Variants in CASK observed in about 807,000 individuals in gnomAD.
CASK encodes the protein calcium/calmodulin dependent serine protein kinase, also known as peripheral plasma membrane protein CASK.
Under a neutral mutation model 82.9 loss-of-function variants are expected in CASK, and 4 were observed. The ratio of observed to expected loss-of-function variants is 0.05; its 90% CI spans 0.02 to 0.11. The LOEUF is 0.11. Among genes scored for constraint, CASK ranks in the 10% least tolerant of loss-of-function variants. CASK has a pLI of 1.00. For missense variants in CASK, 358 were observed against 720.9 expected, an observed-to-expected ratio of 0.50 and a Z score of 5.76; for synonymous variants, 259 against 253.5, an observed-to-expected ratio of 1.02 and a Z score of -0.20.
chrX:41,607,540 A>G (rs1173134250), intron 12 of CASK, among the ~76,000 whole-genome samples: 1 of 112,183 alleles, frequency 8.9e-6, no homozygotes. Context: ...GGAAATACAC[A>G]ATTGTGAAAA....
intron 1 of CASK, among the ~76,000 whole-genome samples, chrX:41,875,863 T>C (rs2071807126): frequency 9.0e-6 from 1 of 111,522 alleles, no homozygotes; most frequent in Admixed American, 9.5e-5. Context: ...ATGGAAAAAA[T>C]AGTTTAACTG....
chrX:41,580,957 A>G (rs982963298), intron 14 of CASK, among the ~76,000 whole-genome samples: 1 of 112,640 alleles, frequency 8.9e-6, no homozygotes, highest in Non-Finnish European at 1.9e-5. Context: ...AAATCTGACT[A>G]TTTAATGTTT....
At chrX:41,854,217 G>A (rs868173524) in intron 1 of CASK, among the ~76,000 whole-genome samples, 1 of 52,635 alleles carries the variant, frequency 1.9e-5, no homozygotes, top group African/African-American at 7.2e-5. Flanking sequence ...CGCGCGCGCG[G>A]GCGCGCGCAC....
chrX:41,728,355 T>A, intron 5 of CASK: 1 of 162,081 alleles, frequency 6.2e-6, no homozygotes. Context: ...ATGACTAGGA[T>A]AAAGAAGCAA....
chrX:41,894,261 T>A (rs1220311314), intron 1 of CASK, among the ~76,000 whole-genome samples: 3 of 110,412 alleles, frequency 2.7e-5, no homozygotes, highest in East Asian at 5.7e-4. Flanking sequence ...GACAAAAAAT[T>A]CACTAGAAGG....
At chrX:41,918,083 T>G (rs1265449117) in intron 1 of CASK, among the ~76,000 whole-genome samples, 1 of 112,201 alleles carries the variant, frequency 8.9e-6, no homozygotes, top group Non-Finnish European at 1.9e-5. Flanking sequence ...TGGAAAATTC[T>G]CGGTTCCTTC....
At chrX:41,814,834 C>G (rs775771471) in intron 2 of CASK, among the ~76,000 whole-genome samples, 1 of 111,970 alleles carries the variant, frequency 8.9e-6, no homozygotes, top group East Asian at 2.8e-4. Context: ...TCTTTACCCA[C>G]TGAACTAGAA....
At chrX:41,671,296 CT>C in intron 6 of CASK, 131 bp downstream of exon 6, 1 of 510,898 alleles carries the variant, frequency 2.0e-6, no homozygotes, top group Admixed American at 2.9e-5. Context: ...TCTGATGATG[CT>C]TTTTGGGAGT....
intron 4 of CASK, among the ~76,000 whole-genome samples, chrX:41,742,482 A>G (rs753635397): frequency 1.8e-5 from 2 of 111,870 alleles, no homozygotes; most frequent in African/African-American, 6.5e-5. Context: ...TCCACAACTC[A>G]TCACCCCTGA....
chrX:41,523,529 A>C (rs1203641457), intron 26 of CASK, among the ~76,000 whole-genome samples: 3 of 112,857 alleles, frequency 2.7e-5, no homozygotes, highest in Non-Finnish European at 5.6e-5. Flanking sequence ...AGCAATGGAA[A>C]ACCTTCTAAG....
chrX:41,674,107 A>G (rs2067233467), intron 5 of CASK, among the ~76,000 whole-genome samples: 1 of 110,697 alleles, frequency 9.0e-6, no homozygotes, highest in African/African-American at 3.3e-5. Flanking sequence ...TTAAAGGCAG[A>G]CAATGACAAA....
intron 22 of CASK, among the ~76,000 whole-genome samples, chrX:41,537,684 G>A (rs2064890756): frequency 2.7e-5 from 3 of 110,170 alleles, no homozygotes; most frequent in Admixed American, 1.9e-4. Flanking sequence ...TTATATACTA[G>A]CATATGCATA....
intron 1 of CASK, among the ~76,000 whole-genome samples, chrX:41,896,873 A>C (rs2148057089): frequency 8.9e-6 from 1 of 111,935 alleles, no homozygotes; most frequent in Non-Finnish European, 1.9e-5. Flanking sequence ...GCTATCAAAC[A>C]CTAGATTTTA....
At chrX:41,699,566 AATT>A (rs1321119658) in intron 5 of CASK, among the ~76,000 whole-genome samples, 1 of 110,864 alleles carries the variant, frequency 9.0e-6, no homozygotes, top group African/African-American at 3.3e-5. Context: ...TTATATTATC[AATT>A]ATTATCACTT....
chrX:41,899,857 G>A (rs1015221651), intron 1 of CASK, among the ~76,000 whole-genome samples: 1 of 111,327 alleles, frequency 9.0e-6, no homozygotes, highest in Non-Finnish European at 1.9e-5. Flanking sequence ...TTTATAGTGA[G>A]TTTTACACTT....
chrX:41,596,840 C>T (rs1011380365), intron 12 of CASK, among the ~76,000 whole-genome samples: 1 of 111,851 alleles, frequency 8.9e-6, no homozygotes, highest in African/African-American at 3.2e-5. Flanking sequence ...CACCGACACG[C>T]TTCATTCATC....
chrX:41,794,823 C>T (rs2069813767), intron 2 of CASK, among the ~76,000 whole-genome samples: 1 of 112,446 alleles, frequency 8.9e-6, no homozygotes, highest in African/African-American at 3.2e-5. Context: ...TCTTCACATA[C>T]CTGTGCTTTA....
intron 2 of CASK, among the ~76,000 whole-genome samples, chrX:41,845,525 A>G (rs972966602): frequency 9.0e-6 from 1 of 111,248 alleles, no homozygotes; most frequent in African/African-American, 3.3e-5. Context: ...GCCACTTCAG[A>G]GCTCTTTTGG....
At chrX:41,589,757 TGTCAGAATATGA>T (rs1158129108) in intron 12 of CASK, 165 bp from the exon 13 acceptor site, 1 of 448,661 alleles carries the variant, frequency 2.2e-6, no homozygotes, top group African/African-American at 2.4e-5. Context: ...CTGTGAAACT[TGTCAGAATATGA>T]GTCTTATGCA....
Sources: allele counts gnomAD v4.1 joint callset (sites outside exome capture counted in the v4.1 genomes callset), GRCh38; gene constraint gnomAD v4.1.1; transcripts MANE v1.5; gene names NCBI Gene and HGNC (gene_info 2026-07-23, HGNC 2026-07-21).